Variants in PCDHGA4 observed in about 807,000 individuals in gnomAD.
PCDHGA4 encodes protocadherin gamma subfamily A, 4.
Under a neutral mutation model 54.6 loss-of-function variants are expected in PCDHGA4, and 38 were observed. The observed-to-expected ratio is 0.70, with a 90% CI of 0.54 to 0.91. The LOEUF (loss-of-function observed/expected upper bound fraction) is 0.91, where lower values mean the gene tolerates loss of function less well. Ranked by LOEUF, PCDHGA4 falls within the 40% of genes least tolerant of loss-of-function variation. PCDHGA4 has a pLI of 0.00. For synonymous variants in PCDHGA4, 511 were observed against 512.9 expected, an observed-to-expected ratio of 1.00 and a Z score of 0.05; for missense variants, 1,298 against 1,220.9, an observed-to-expected ratio of 1.06 and a Z score of -0.94.
At chr5:141,419,354 C>T in intron 1 of PCDHGA4, 3 of 1,613,828 alleles carry the variant, frequency 1.9e-6, no homozygotes, top group Non-Finnish European at 1.7e-6. Flanking sequence ...CCTGGAGTCA[C>T]GAACGCTGTC....
chr5:141,420,004 G>C (rs768411058), intron 1 of PCDHGA4: 4 of 1,614,084 alleles, frequency 2.5e-6, no homozygotes, highest in Non-Finnish European at 3.4e-6. Flanking sequence ...CTCTACGCCT[G>C]CGACAGTCTT....
rs538474552 is a variant in PCDHGA4, at chr5:141,415,070, C to T, written c.2514+57449C>T. The T allele has an allele frequency of 2.0e-5, 32 of 1,613,398 alleles. No homozygotes were observed. The African/African-American group carries it at 3.9e-4, about 19-fold the overall frequency. On this transcript the variant is annotated intron_variant, in intron 1 of 3. Transcript: ENST00000571252. Reference sequence around the variant, plus strand: ...GGGGAGCACACGGGCGAGGTGCGCACGGCGCGAGCCCTGCTGGACAGAGAC... The same window carrying T: ...GGGGAGCACACGGGCGAGGTGCGCATGGCGCGAGCCCTGCTGGACAGAGAC...
At chr5:141,418,621 C>G (rs765634746) in intron 1 of PCDHGA4, 2 of 1,613,916 alleles carry the variant, frequency 1.2e-6, no homozygotes, top group Non-Finnish European at 1.7e-6. Flanking sequence ...TTCGGGAAGA[C>G]GTGCCTCCAG....
chr5:141,490,985 C>T lies in PCDHGA4; in HGVS notation c.2515-3822C>T. On this transcript the variant is annotated intron_variant, in intron 1 of 3. Transcript: ENST00000571252. This position sits in a 1 kb window ranked among gnomAD's most constrained non-coding sequence, Gnocchi z 5.4. ...TCAGCCCCCCAGCGTCTCCCTCGCT[C>T]TGCTCCTCCTGGCTCCTTGGTCACC... The T allele has an allele frequency of 1.9e-6, 3 of 1,614,128 alleles. No individual in the cohort carries two copies. The highest frequency in any genetic ancestry group is 2.5e-6 in the Non-Finnish European group (3 of 1,180,032).
chr5:141,446,778 T>C (rs2098515519), intron 1 of PCDHGA4, among the ~76,000 whole-genome samples: 1 of 152,116 alleles, frequency 6.6e-6, no homozygotes, highest in South Asian at 2.1e-4. Flanking sequence ...GTTACCATTC[T>C]TTTACTCTGA....
At chr5:141,393,248 C>T (rs1242966092) in intron 1 of PCDHGA4, 2 of 1,613,798 alleles carry the variant, frequency 1.2e-6, no homozygotes, top group Middle Eastern at 1.7e-4. Context: ...TTAACGAAAT[C>T]GCGGTTCCTG....
chr5:141,507,851 C>T (rs570052933), intron 3 of PCDHGA4, among the ~76,000 whole-genome samples: 48 of 152,322 alleles, frequency 3.2e-4, no homozygotes, highest in African/African-American at 1.1e-3. Context: ...CCTGCTCTCA[C>T]TTTCACACCC....
chr5:141,380,133 TA>T (rs926535688), intron 1 of PCDHGA4, among the ~76,000 whole-genome samples: 12 of 151,832 alleles, frequency 7.9e-5, no homozygotes, highest in African/African-American at 2.9e-4. Context: ...CTCCTGACCT[TA>T]AGTGATCCAC....
At chr5:141,479,936 T>C (rs532302710) in intron 1 of PCDHGA4, among the ~76,000 whole-genome samples, 97 of 152,340 alleles carry the variant, frequency 6.4e-4, no homozygotes, top group African/African-American at 2.2e-3. Flanking sequence ...ATCATTGCTA[T>C]CAACTCTTGG....
chr5:141,396,628 A>G (rs1384822433), intron 1 of PCDHGA4: 2 of 152,210 alleles, frequency 1.3e-5, no homozygotes, highest in Non-Finnish European at 2.9e-5. Flanking sequence ...TCAAAAAAAA[A>G]AAAAACTAAT....
intron 2 of PCDHGA4, among the ~76,000 whole-genome samples, chr5:141,502,759 C>T (rs535899844): frequency 9.9e-5 from 15 of 152,130 alleles, no homozygotes; most frequent in African/African-American, 3.6e-4. Context: ...CATGTATTTG[C>T]TGGTATTCTT....
chr5:141,459,989 A>G (rs2098979714), intron 1 of PCDHGA4, among the ~76,000 whole-genome samples: 1 of 152,204 alleles, frequency 6.6e-6, no homozygotes, highest in Non-Finnish European at 1.5e-5. Flanking sequence ...GAGACAGGAG[A>G]ATCGCTTGAA....
At chr5:141,358,796 A>T (rs2149804071) in intron 1 of PCDHGA4, among the ~76,000 whole-genome samples, 1 of 152,278 alleles carries the variant, frequency 6.6e-6, no homozygotes, top group South Asian at 2.1e-4. Flanking sequence ...TGGGTTCTGG[A>T]CTGATATGAT....
At chr5:141,385,709 A>G (rs2090329249) in intron 1 of PCDHGA4, 1 of 259,144 alleles carries the variant, frequency 3.9e-6, no homozygotes, top group Non-Finnish European at 6.2e-6. Context: ...TAGCATTCAA[A>G]TATGTAAAAG....
At chr5:141,384,823 C>T (rs1780554130) in intron 1 of PCDHGA4, 1 of 1,613,490 alleles carries the variant, frequency 6.2e-7, no homozygotes, top group South Asian at 1.1e-5. Flanking sequence ...CAAGCAGAGC[C>T]TCGTGGTGGC....
At chr5:141,415,904 C>T in intron 1 of PCDHGA4, 1 of 833,428 alleles carries the variant, frequency 1.2e-6, no homozygotes, top group Non-Finnish European at 1.6e-6. Context: ...AGACAGACTT[C>T]CATACAGAAG....
At chr5:141,406,273 G>A (rs1366399912) in intron 1 of PCDHGA4, among the ~76,000 whole-genome samples, 2 of 151,898 alleles carry the variant, frequency 1.3e-5, no homozygotes, top group Non-Finnish European at 2.9e-5. Context: ...TCCTGCTTCA[G>A]TTTCCCAAAG....
chr5:141,398,858 G>C, intron 1 of PCDHGA4: 2 of 1,613,986 alleles, frequency 1.2e-6, no homozygotes, highest in Non-Finnish European at 1.7e-6. Flanking sequence ...GTATTCAACC[G>C]AGACGTGTAC....
intron 1 of PCDHGA4, chr5:141,371,927 C>T (rs750914672): frequency 1.9e-6 from 3 of 1,613,208 alleles, no homozygotes. Context: ...GCGCGCGGAG[C>T]GGGGTGGTGT....
Sources: gnomAD v4.1 joint callset for allele counts (sites outside exome capture counted in the v4.1 genomes callset) on GRCh38, gnomAD v4.1.1 for gene constraint, Gnocchi (gnomAD v3.1) non-coding constraint, MANE v1.5 for transcripts, NCBI Gene and HGNC (gene_info 2026-07-23, HGNC 2026-07-21) for gene names.